SLC12A1: variants seen among roughly 807,000 people sequenced by gnomAD.
SLC12A1 encodes the protein Na-K-2Cl cotransporter.
SLC12A1 carries 89 observed loss-of-function variants against 130.4 expected under a neutral mutation model. The ratio of observed to expected loss-of-function variants is 0.68; its 90% CI spans 0.58 to 0.81. The LOEUF (loss-of-function observed/expected upper bound fraction) is 0.81. SLC12A1 is among the 40% of genes least tolerant of loss of function. The pLI, the probability that SLC12A1 is intolerant of heterozygous loss-of-function variation, is 0.00. For missense variants in SLC12A1, 1,310 were observed against 1,336.4 expected, an observed-to-expected ratio of 0.98 and a Z score of 0.31; for synonymous variants, 499 against 460.0, an observed-to-expected ratio of 1.08 and a Z score of -1.09.
At chr15:48,289,555 T>C (rs2042098869) in intron 23 of SLC12A1, among the ~76,000 whole-genome samples, 1 of 151,904 alleles carries the variant, frequency 6.6e-6, no homozygotes, top group Admixed American at 6.6e-5. Context: ...AATTTCCTAT[T>C]GTGCAAACAT....
chr15:48,288,459 G>A lies in SLC12A1; in HGVS notation c.2816G>A (p.Cys939Tyr). 1 of 1,555,588 alleles carries A rather than the reference G, an allele frequency of 6.4e-7. No homozygotes were observed. The highest frequency in any genetic ancestry group is 8.7e-7 in the Non-Finnish European group (1 of 1,147,048). Residue 939 changes from cysteine (C) to tyrosine (Y), a missense_variant, in exon 23 of 27, where the codon TGT (cysteine) becomes TAT (tyrosine). Physicochemically the swap from Cys to Tyr is radical, Grantham distance 194. Coordinates refer to ENST00000380993, the MANE Select transcript of SLC12A1 (RefSeq NM_000338.3). Reference protein sequence around the residue: ...ILTLRKKWKDCKLRIYVGGKI... With the variant: ...ILTLRKKWKDYKLRIYVGGKI... ...ACTCTCAGAAAAAAATGGAAAGACT[G>A]TAAATTAAGAATCTATGTGGGAGGG...
At chr15:48,294,776 G>A (rs1022359634) in intron 24 of SLC12A1, among the ~76,000 whole-genome samples, 4 of 152,276 alleles carry the variant, frequency 2.6e-5, no homozygotes, top group African/African-American at 9.6e-5. Context: ...GCTGGCCAGT[G>A]CTCTGCAAGA....
intron 8 of SLC12A1, among the ~76,000 whole-genome samples, chr15:48,233,351 C>A (rs2041402399): frequency 6.6e-6 from 1 of 152,198 alleles, no homozygotes; most frequent in South Asian, 2.1e-4. Flanking sequence ...TTGTTGCTGT[C>A]AAATAGTAGA....
rs552977036 is a variant in SLC12A1 at position 48,269,659 on chromosome 15, C to T, written c.2297C>T (p.Ala766Val). Reference protein sequence around the residue: ...FRDGVRSLLQASGLGRMKPNT... With the variant: ...FRDGVRSLLQVSGLGRMKPNT... Reference sequence around the variant, plus strand: ...CACATTTTTATGTCCTCTGTTTAGGCCTCAGGCTTAGGAAGAATGAAACCA... The same window carrying T: ...CACATTTTTATGTCCTCTGTTTAGGTCTCAGGCTTAGGAAGAATGAAACCA... Residue 766 changes from alanine (A) to valine (V), a missense_variant and splice_region_variant, in exon 19 of 27, where the codon GCC (alanine) becomes GTC (valine). Ala to Val is a moderately conservative substitution (Grantham distance 64, BLOSUM62 0). Coordinates refer to ENST00000380993, the MANE Select transcript of SLC12A1 (RefSeq NM_000338.3). The T allele has an allele frequency of 9.4e-6, 15 of 1,590,458 alleles. No individual in the cohort carries two copies. Among genetic ancestry groups the T allele is most frequent in the East Asian group, 2.2e-5 (1 of 44,720 alleles).
Position 48,207,985 on chromosome 15 carries a change from A to G in SLC12A1, c.266A>G (p.Tyr89Cys), listed in dbSNP as rs1310649916. Residue 89 changes from tyrosine to cysteine, a missense_variant, in exon 2 of 27, where the codon TAT becomes TGT. By Grantham distance (194) the Tyr-to-Cys change is radical. Coordinates refer to ENST00000380993, the MANE Select transcript of SLC12A1 (RefSeq NM_000338.3). The stretch of plus-strand genomic sequence containing the variant: ...AAAACAGATGCCAGTTTTCACGCTT[A>G]TGATTCTCACACAAACACATACTAT... ...TAKTDASFHA[Y>C]DSHTNTYYLQ... 2.5e-6 allele frequency: 4 copies of G among 1,613,926 alleles called. No individual in the cohort carries two copies. In the African/African-American group the frequency reaches 5.3e-5, roughly 22 times the overall value.
At chr15:48,299,349 A>G (rs1012681061) in intron 25 of SLC12A1, 74 bp downstream of exon 25, 34 of 1,268,004 alleles carry the variant, frequency 2.7e-5, no homozygotes, top group South Asian at 5.3e-5. Context: ...ATTTAAAGAC[A>G]AAGAAGCAAT....
Position 48,244,881 on chromosome 15 carries a change from T to C in SLC12A1, c.1429T>C (p.Tyr477His), listed in dbSNP as rs747267702. 1.9e-6 allele frequency: 3 copies of C among 1,613,894 alleles called. No homozygotes were observed. The Admixed American group carries it at 5.0e-5, about 27-fold the overall frequency. The part of the protein sequence containing the change: ...FSRCRHEPCQ[Y>H]GLMNNFQVMS... ...AAGATGTCGACATGAACCATGTCAGTACGGGCTGATGAACAATTTCCAGGT... is the reference window on the plus strand; with the variant it reads ...AAGATGTCGACATGAACCATGTCAGCACGGGCTGATGAACAATTTCCAGGT... Residue 477 changes from tyrosine to histidine, a missense_variant, in exon 11 of 27, where the codon TAC (tyrosine) becomes CAC (histidine). Transcript: ENST00000380993.
Position 48,303,821 on chromosome 15 carries a change from T to C in SLC12A1, c.*936T>C, listed in dbSNP as rs1055930746. On this transcript the variant is annotated 3_prime_UTR_variant, in exon 27 of 27. Coordinates refer to ENST00000380993, the MANE Select transcript of SLC12A1 (RefSeq NM_000338.3). The stretch of plus-strand genomic sequence containing the variant: ...TCCTGAATCATATATTTAGTTACTT[T>C]CTATAGTGATTGTATGGATTTAAAA... The C allele has an allele frequency of 8.5e-5, 13 of 152,332 alleles. No individual in the cohort carries two copies. The highest frequency in any genetic ancestry group is 3.1e-4 in the African/African-American group (13 of 41,572). The allele number at this position is 152,332 out of a possible 1,614,324, so 9.4% of individuals were successfully genotyped here. A position where few individuals can be genotyped will look rare whatever the true frequency, so the allele number is the denominator to read the frequency against.
intron 18 of SLC12A1, among the ~76,000 whole-genome samples, chr15:48,269,359 C>T (rs1373062923): frequency 4.6e-5 from 7 of 152,196 alleles, no homozygotes; most frequent in African/African-American, 1.4e-4. Context: ...AGCTGACCCT[C>T]ACTTGATTTT....
At chr15:48,219,387 C>A (rs2041170595) in intron 2 of SLC12A1, among the ~76,000 whole-genome samples, 1 of 152,168 alleles carries the variant, frequency 6.6e-6, no homozygotes, top group Admixed American at 6.5e-5. Context: ...GAAGCCCCGT[C>A]TCTACTAAAA....
At chr15:48,251,536 T>A in intron 14 of SLC12A1, 79 bp from the exon 15 acceptor site, 1 of 1,120,010 alleles carries the variant, frequency 8.9e-7, no homozygotes, top group Non-Finnish European at 1.4e-6. Context: ...GAAAAAGGCA[T>A]GTTACCTGCA....
At chr15:48,257,667 A>G (rs1390706159) in intron 16 of SLC12A1, among the ~76,000 whole-genome samples, 1 of 152,236 alleles carries the variant, frequency 6.6e-6, no homozygotes, top group Non-Finnish European at 1.5e-5. Context: ...TGGAGCAGCT[A>G]GGACAAAGGG....
intron 24 of SLC12A1, among the ~76,000 whole-genome samples, chr15:48,298,863 A>G (rs140238158): frequency 1.3e-5 from 2 of 152,344 alleles, no homozygotes; most frequent in Non-Finnish European, 2.9e-5. Context: ...ATGTGTTAAT[A>G]TTGTAAGTAT....
chr15:48,220,168 T>C (rs940810461), intron 2 of SLC12A1, among the ~76,000 whole-genome samples: 1 of 147,964 alleles, frequency 6.8e-6, no homozygotes, highest in African/African-American at 2.5e-5. Flanking sequence ...GATAGATAGA[T>C]AGATAGATAG....
Position 48,255,927 on chromosome 15 carries a change from A to G in SLC12A1, c.2042+17A>G, listed in dbSNP as rs1483917888. 6.7e-7 allele frequency: 1 copy of G among 1,486,024 alleles called. No homozygotes were observed. The highest frequency in any genetic ancestry group is 1.9e-5 in the Admixed American group (1 of 53,296). 92.1% of individuals were successfully genotyped at this position (1,486,024 alleles called of 1,614,324 possible). On this transcript the variant is annotated intron_variant, in intron 16 of 26. Transcript: ENST00000380993. ...AAACTTCAGGTAAAGCTGGTGTCTCAGGCATCCTGGTGTTTTTCCACCCTA... is the reference window on the plus strand; with the variant it reads ...AAACTTCAGGTAAAGCTGGTGTCTCGGGCATCCTGGTGTTTTTCCACCCTA...
intron 17 of SLC12A1, among the ~76,000 whole-genome samples, chr15:48,264,131 C>G (rs545535028): frequency 3.6e-4 from 55 of 152,274 alleles, no homozygotes; most frequent in African/African-American, 1.3e-3. Context: ...ATTTCACACA[C>G]GGATACCAAA....
Position 48,289,476 on chromosome 15 carries a change from ATAACAATG to A in SLC12A1, c.2873+963_2873+970del, listed in dbSNP as rs201204102. ...TATAATGTATAATGTATAACAATGT[ATAACAATG>A]TATATACACACACACAGTTATACAC... On this transcript the variant is annotated intron_variant, in intron 23 of 26. Transcript: ENST00000380993. 9.2e-3 allele frequency among the ~76,000 whole-genome samples: 1,145 copies of A among 124,076 alleles called. 53 individuals are homozygous for A. In the East Asian group the frequency reaches 0.13, roughly 14 times the overall value. The allele number at this position is 124,076 out of a possible 152,430, so 81.4% of individuals were successfully genotyped here. A position where few individuals can be genotyped will look rare whatever the true frequency, so the allele number is the denominator to read the frequency against.
At chr15:48,209,073 T>A (rs1034432549) in intron 2 of SLC12A1, among the ~76,000 whole-genome samples, 1 of 152,192 alleles carries the variant, frequency 6.6e-6, no homozygotes, top group East Asian at 1.9e-4. Context: ...TTTCCCAATC[T>A]TTTTTGAGAC....
intron 2 of SLC12A1, among the ~76,000 whole-genome samples, chr15:48,217,018 G>A (rs2041130054): frequency 6.6e-6 from 1 of 152,126 alleles, no homozygotes; most frequent in Non-Finnish European, 1.5e-5. Flanking sequence ...TGTACTGCCA[G>A]TGGAAAATAC....
Sources: allele counts gnomAD v4.1 joint callset (sites outside exome capture counted in the v4.1 genomes callset), GRCh38; gene constraint gnomAD v4.1.1; transcripts MANE v1.5; gene names NCBI Gene and HGNC (gene_info 2026-07-23, HGNC 2026-07-21).